The following DST variants were observed in gnomAD, a reference collection of about 807,000 sequenced individuals.
DST encodes dystonin, also known as bullous pemphigoid antigen.
In DST, 253 loss-of-function variants were observed where a neutral mutation model predicts 875.2. That is an observed-to-expected ratio of 0.29 (90% CI 0.26 to 0.32). The LOEUF (loss-of-function observed/expected upper bound fraction) is 0.32. DST is among the 10% of genes least tolerant of loss of function. DST has a pLI of 1.00. For synonymous variants in DST, 3,124 were observed against 3,197.1 expected (o/e 0.98, Z 0.77); for missense variants, 8,287 against 9,111.6 (o/e 0.91, Z 3.68).
At chr6:56,556,156 C>T (rs1562772236) in intron 59 of DST, among the ~76,000 whole-genome samples, 1 of 152,174 alleles carries the variant, frequency 6.6e-6, no homozygotes, top group African/African-American at 2.4e-5. Flanking sequence ...ACTGCACTTA[C>T]ACCAAATTTG....
chr6:56,720,890 G>A (rs1435191115), intron 5 of DST, among the ~76,000 whole-genome samples: 9 of 147,668 alleles, frequency 6.1e-5, no homozygotes, highest in African/African-American at 1.9e-4. Context: ...ACAGGGTGGC[G>A]GCCGGGCAGA....
At chr6:56,709,968 A>AT (rs2099356449) in intron 5 of DST, among the ~76,000 whole-genome samples, 1 of 152,228 alleles carries the variant, frequency 6.6e-6, no homozygotes, top group South Asian at 2.1e-4. Context: ...GAGGTGGAAG[A>AT]TGAGGCTGGA....
chr6:56,906,978 C>A (rs980676829), intron 2 of DST, among the ~76,000 whole-genome samples: 3 of 152,158 alleles, frequency 2.0e-5, no homozygotes, highest in Non-Finnish European at 4.4e-5. Context: ...TACATAGTTA[C>A]ACCAAGATGC....
chr6:56,642,444 T>C lies in DST; in HGVS notation c.1838A>G (p.Asp613Gly), dbSNP rs1168346607. The change falls in exon 16 of 104, where the codon GAC (aspartate) becomes GGC (glycine). Residue 613 changes from aspartate (D) to glycine (G), a missense_variant. Transcript: ENST00000680361. ...AGCATTTCCAGCAAGAATCAGTTTG[T>C]CTTCACAGATGACACTGTCCCTCTG... ...RVQRDSVICE[D>G]KLILAGNALQ... The C allele has an allele frequency of 2.0e-5, 32 of 1,613,758 alleles. No individual in the cohort carries two copies. Among genetic ancestry groups the C allele is most frequent in the Non-Finnish European group, 2.7e-5 (32 of 1,179,766 alleles).
At chr6:56,611,225 G>C (rs9370544) in intron 38 of DST, among the ~76,000 whole-genome samples, 2 of 151,930 alleles carry the variant, frequency 1.3e-5, no homozygotes, top group South Asian at 4.2e-4. Context: ...GACTTGACTC[G>C]GAGTCTGCAC....
At chr6:56,763,129 C>T (rs894259725) in intron 4 of DST, among the ~76,000 whole-genome samples, 1 of 151,994 alleles carries the variant, frequency 6.6e-6, no homozygotes, top group Non-Finnish European at 1.5e-5. Context: ...GGATTACAGG[C>T]GTGAGCCACA....
intron 3 of DST, among the ~76,000 whole-genome samples, chr6:56,878,844 T>C (rs1195018445): frequency 6.6e-6 from 1 of 152,158 alleles, no homozygotes; most frequent in Non-Finnish European, 1.5e-5. Flanking sequence ...GCAAAAAATA[T>C]TAACGTTGAA....
Position 56,517,526 on chromosome 6 carries a change from G to A in DST, c.18224C>T (p.Thr6075Ile). 6.2e-7 allele frequency: 1 copy of A among 1,613,002 alleles called. No homozygotes were observed. ...LGDIRLEQDQ[T>I]SAQLQVQKTF... ...CTTTTGAACTTGAAGCTGAGCAGAA[G>A]TCTGGTCTTGCTCAAGCCTGATGTC... The change falls in exon 70 of 104, where the codon ACT becomes ATT. Residue 6075 changes from threonine to isoleucine, a missense_variant. By Grantham distance (89) the Thr-to-Ile change is moderately conservative. Transcript: ENST00000680361.
intron 2 of DST, among the ~76,000 whole-genome samples, chr6:56,918,468 C>T (rs1802440002): frequency 6.6e-6 from 1 of 152,176 alleles, no homozygotes. Flanking sequence ...ACGTACCATA[C>T]TTAACTATTT....
chr6:56,750,888 A>G (rs1208141335), intron 4 of DST, among the ~76,000 whole-genome samples: 1 of 152,148 alleles, frequency 6.6e-6, no homozygotes, highest in Non-Finnish European at 1.5e-5. Flanking sequence ...GTGTTCTATA[A>G]GCCAATGTCT....
chr6:56,660,613 CAAAAAAA>C (rs34162063), intron 10 of DST, among the ~76,000 whole-genome samples: 1 of 89,088 alleles, frequency 1.1e-5, no homozygotes, highest in Non-Finnish European at 2.3e-5. Flanking sequence ...TTGCAATCAC[CAAAAAAA>C]AAAAAAGAAA....
At chr6:56,793,711 G>A (rs915162732) in intron 4 of DST, among the ~76,000 whole-genome samples, 8 of 151,834 alleles carry the variant, frequency 5.3e-5, no homozygotes, top group African/African-American at 1.7e-4. Flanking sequence ...ATATTGTCTC[G>A]GATAATAATA....
chr6:56,800,664 T>C (rs1044579570), intron 4 of DST, among the ~76,000 whole-genome samples: 2 of 152,106 alleles, frequency 1.3e-5, no homozygotes, highest in Non-Finnish European at 2.9e-5. Context: ...GAGGTGTTAA[T>C]AGTTACAATG....
At chr6:56,798,791 CATTCATG>C (rs2099743402) in intron 4 of DST, among the ~76,000 whole-genome samples, 1 of 152,000 alleles carries the variant, frequency 6.6e-6, no homozygotes, top group Non-Finnish European at 1.5e-5. Flanking sequence ...CCATTAAGAA[CATTCATG>C]ATTCATGGGA....
At chr6:56,601,796 AT>A in intron 43 of DST, 120 bp from the exon 44 acceptor site, 1 of 637,892 alleles carries the variant, frequency 1.6e-6, no homozygotes, top group Non-Finnish European at 2.6e-6. Context: ...AGTTTTATGA[AT>A]TTTTTTGCTA....
chr6:56,465,986 A>G, intron 99 of DST, 92 bp downstream of exon 99: 2 of 1,035,094 alleles, frequency 1.9e-6, no homozygotes, highest in Non-Finnish European at 2.9e-6. Flanking sequence ...ATTGGAATAA[A>G]TGACCAAAAT....
Position 56,458,874 on chromosome 6 carries a change from C to A in DST, c.*131G>T, listed in dbSNP as rs1023353247. ...CAGATAAAATAAAAAGACAAATACACAAATAAGGCCATCTGCAGAATTTTA... is the reference window on the plus strand; with the variant it reads ...CAGATAAAATAAAAAGACAAATACAAAAATAAGGCCATCTGCAGAATTTTA... On this transcript the variant is annotated 3_prime_UTR_variant, in exon 104 of 104. Transcript: ENST00000680361. The A allele has an allele frequency of 1.0e-6, 1 of 988,172 alleles. No individual in the cohort carries two copies. The highest frequency in any genetic ancestry group is 1.6e-5 in the African/African-American group (1 of 61,502). The allele number at this position is 988,172 out of a possible 1,614,324, so 61.2% of individuals were successfully genotyped here.
chr6:56,542,428 T>TAAAAAAAAAA lies in DST; in HGVS notation c.16609-5498_16609-5489dup, dbSNP rs60688419. ...AGCATGGTGTACTACTAAGCTTCTTTAAAAAAAAAAAAAAAAAAAAAAAAA... is the reference window on the plus strand; with the variant it reads ...AGCATGGTGTACTACTAAGCTTCTTTAAAAAAAAAAAAAAAAAAAAAAAAAAAAAAAAAAA... On this transcript the variant is annotated intron_variant, in intron 61 of 103. Transcript: ENST00000680361. The TAAAAAAAAAA allele has an allele frequency of 4.5e-3, 303 of 68,086 alleles. 16 individuals carry two copies. Among genetic ancestry groups the TAAAAAAAAAA allele is most frequent in the African/African-American group, 0.019 (292 of 15,328 alleles). 4.2% of individuals were successfully genotyped at this position (68,086 alleles called of 1,614,324 possible).
At chr6:56,780,346 T>C (rs1280679333) in intron 4 of DST, among the ~76,000 whole-genome samples, 5 of 151,534 alleles carry the variant, frequency 3.3e-5, no homozygotes, top group African/African-American at 4.9e-5. Context: ...CCACCAAGAG[T>C]GTAAAAGTGT....
Sources: allele counts gnomAD v4.1 joint callset (sites outside exome capture counted in the v4.1 genomes callset), GRCh38; gene constraint gnomAD v4.1.1; transcripts MANE v1.5; gene names NCBI Gene and HGNC (gene_info 2026-07-23, HGNC 2026-07-21).